Variants in SHOC2 observed in about 807,000 individuals in gnomAD.
SHOC2 encodes the protein leucine-rich repeat protein SHOC-2.
A neutral mutation model predicts 50.2 loss-of-function variants in SHOC2; 4 were observed. The ratio of observed to expected loss-of-function variants is 0.08; its 90% CI spans 0.04 to 0.18. SHOC2 has a LOEUF of 0.18. Among genes scored for constraint, SHOC2 ranks in the 10% least tolerant of loss-of-function variants. The pLI is 1.00. For missense variants in SHOC2, 388 were observed against 669.6 expected, an observed-to-expected ratio of 0.58 and a Z score of 4.64; for synonymous variants, 218 against 244.5, an observed-to-expected ratio of 0.89 and a Z score of 1.01.
At chr10:110,952,180 C>A (rs768346234) in intron 1 of SHOC2, among the ~76,000 whole-genome samples, 1 of 151,280 alleles carries the variant, frequency 6.6e-6, no homozygotes, top group Non-Finnish European at 1.5e-5. Flanking sequence ...TGATTTTTTC[C>A]AGTTAAATTT....
At chr10:111,004,508 C>T in intron 4 of SHOC2, 98 bp from the exon 5 acceptor site, 1 of 843,830 alleles carries the variant, frequency 1.2e-6, no homozygotes, top group Non-Finnish European at 2.0e-6. Context: ...TTGTCACCCC[C>T]CAAAGCCCTT....
intron 3 of SHOC2, among the ~76,000 whole-genome samples, chr10:111,000,159 C>G (rs192196299): frequency 6.6e-6 from 1 of 152,200 alleles, no homozygotes; most frequent in East Asian, 1.9e-4. Context: ...TATGCCAATA[C>G]TTTATCTAAT....
At chr10:110,963,993 C>T (rs997896341) in intron 1 of SHOC2, 132 bp from the exon 2 acceptor site, 23 of 398,280 alleles carry the variant, frequency 5.8e-5, no homozygotes. Flanking sequence ...GGATTTTTAC[C>T]TATAAAGGAT....
chr10:110,936,203 T>C (rs1847006983), intron 1 of SHOC2, among the ~76,000 whole-genome samples: 1 of 151,850 alleles, frequency 6.6e-6, no homozygotes, highest in Admixed American at 6.6e-5. Context: ...TTCAAGTGAT[T>C]TTCCAGCCTC....
intron 1 of SHOC2, among the ~76,000 whole-genome samples, chr10:110,943,785 C>T (rs10885067): frequency 0.56 from 84,567 of 152,116 alleles, 25,858 homozygotes; most frequent in Non-Finnish European, 0.69. Context: ...TATATCTAAA[C>T]AAGGAAGTTA....
At chr10:110,949,031 G>A (rs571254949) in intron 1 of SHOC2, among the ~76,000 whole-genome samples, 1 of 152,100 alleles carries the variant, frequency 6.6e-6, no homozygotes, top group South Asian at 2.1e-4. Flanking sequence ...GCCCAAAGAA[G>A]CCAAAAGATT....
At chr10:110,961,598 A>T (rs924570519) in intron 1 of SHOC2, among the ~76,000 whole-genome samples, 1 of 152,136 alleles carries the variant, frequency 6.6e-6, no homozygotes, top group Non-Finnish European at 1.5e-5. Context: ...CTATTATTGA[A>T]CTATATATAT....
At chr10:110,965,585 A>G (rs1487820272) in intron 2 of SHOC2, among the ~76,000 whole-genome samples, 4 of 152,186 alleles carry the variant, frequency 2.6e-5, no homozygotes, top group African/African-American at 7.2e-5. Context: ...TCTTGAAAGT[A>G]CTTACATGTT....
At chr10:110,986,453 A>G (rs571682093) in intron 3 of SHOC2, among the ~76,000 whole-genome samples, 1 of 152,152 alleles carries the variant, frequency 6.6e-6, no homozygotes, top group East Asian at 1.9e-4. Context: ...TTCAGTCATG[A>G]ATATTTAGTA....
intron 1 of SHOC2, among the ~76,000 whole-genome samples, chr10:110,944,705 T>C (rs1847215381): frequency 1.3e-5 from 2 of 152,254 alleles, no homozygotes; most frequent in African/African-American, 4.8e-5. Context: ...GTTTCTTCAT[T>C]TAATTTCTTT....
intron 2 of SHOC2, among the ~76,000 whole-genome samples, chr10:110,973,941 C>G (rs1057161039): frequency 1.3e-5 from 2 of 151,694 alleles, no homozygotes; most frequent in African/African-American, 2.4e-5. Flanking sequence ...TGGGCCTTCT[C>G]TCTTTGCTTA....
chr10:110,994,956 T>G (rs1343233061), intron 3 of SHOC2, among the ~76,000 whole-genome samples: 2 of 152,190 alleles, frequency 1.3e-5, no homozygotes, highest in Non-Finnish European at 2.9e-5. Flanking sequence ...TAATTTGTAT[T>G]CAGATAGACC....
intron 5 of SHOC2, among the ~76,000 whole-genome samples, chr10:111,006,940 C>T (rs1259026707): frequency 6.6e-6 from 1 of 152,170 alleles, no homozygotes; most frequent in Non-Finnish European, 1.5e-5. Flanking sequence ...ACCATATTTA[C>T]TGTTTCCTCT....
chr10:111,009,718 A>G lies in SHOC2; in HGVS notation c.1428A>G (p.Leu476=). The stretch of plus-strand genomic sequence containing the variant: ...TTATTTTGTAAATCTTTTAGAAATT[A>G]GTCTTGACAAACAACCAGTTGACCA... ...EIAYLKDLQK[L]VLTNNQLTTL... is the part of the protein sequence containing the mutation. Residue 476 remains leucine (L), a synonymous_variant, in exon 8 of 9, where the codon TTA becomes TTG. Transcript: ENST00000369452. 2 of 1,579,524 alleles carry G rather than the reference A, an allele frequency of 1.3e-6. No homozygotes were observed. Among genetic ancestry groups the G allele is most frequent in the South Asian group, 1.1e-5 (1 of 90,328 alleles).
intron 1 of SHOC2, among the ~76,000 whole-genome samples, chr10:110,963,426 G>C (rs1454152638): frequency 6.6e-6 from 1 of 152,168 alleles, no homozygotes; most frequent in African/African-American, 2.4e-5. Flanking sequence ...ATCATGTAGA[G>C]TGCTTATTAA....
At chr10:110,972,447 C>G (rs1354372730) in intron 2 of SHOC2, among the ~76,000 whole-genome samples, 1 of 152,116 alleles carries the variant, frequency 6.6e-6, no homozygotes, top group Non-Finnish European at 1.5e-5. Context: ...TAAATAACTT[C>G]TTTTGACTGG....
chr10:110,993,044 C>A (rs1848212714), intron 3 of SHOC2, among the ~76,000 whole-genome samples: 1 of 152,156 alleles, frequency 6.6e-6, no homozygotes, highest in South Asian at 2.1e-4. Flanking sequence ...TTTGATTTCA[C>A]CATATTTTAA....
At chr10:110,937,106 A>T (rs751126009) in intron 1 of SHOC2, 115 of 1,471,180 alleles carry the variant, frequency 7.8e-5, no homozygotes, top group Non-Finnish European at 1.1e-4. Flanking sequence ...ATTGCCAGAA[A>T]TGTTGATGCC....
intron 3 of SHOC2, 93 bp downstream of exon 3, chr10:110,985,858 G>T (rs999066384): frequency 6.4e-6 from 7 of 1,098,350 alleles, no homozygotes; most frequent in Non-Finnish European, 8.2e-6. Context: ...GAAAATTCAG[G>T]AGTAAAATTC....
Sources: allele counts gnomAD v4.1 joint callset (sites outside exome capture counted in the v4.1 genomes callset), GRCh38; gene constraint gnomAD v4.1.1; transcripts MANE v1.5; gene names NCBI Gene and HGNC (gene_info 2026-07-23, HGNC 2026-07-21).